FBXL20: variants seen among roughly 807,000 people sequenced by gnomAD.
FBXL20 encodes F-box/LRR-repeat protein 20.
Under a neutral mutation model 64.0 loss-of-function variants are expected in FBXL20, and 11 were observed. The observed-to-expected ratio is 0.17, with a 90% CI of 0.11 to 0.28. FBXL20 has a LOEUF of 0.28. Among genes scored for constraint, FBXL20 ranks in the 10% least tolerant of loss-of-function variants. The pLI, the probability that FBXL20 is intolerant of heterozygous loss-of-function variation, is 1.00. For synonymous variants in FBXL20, 184 were observed against 189.0 expected (o/e 0.97, Z 0.22); for missense variants, 303 against 526.2 (o/e 0.58, Z 4.15).
intron 6 of FBXL20, among the ~76,000 whole-genome samples, chr17:39,286,824 CTCT>C (rs1267848418): frequency 6.6e-6 from 1 of 151,722 alleles, no homozygotes; most frequent in East Asian, 1.9e-4. Context: ...TTTATGCCAT[CTCT>C]TCTTCCCCCC....
At chr17:39,332,508 T>C (rs1011458503) in intron 2 of FBXL20, among the ~76,000 whole-genome samples, 1 of 151,066 alleles carries the variant, frequency 6.6e-6, no homozygotes, top group African/African-American at 2.4e-5. Context: ...CCTGTGCACC[T>C]TTCCCCTTTG....
At chr17:39,268,781 AAGT>A in intron 12 of FBXL20, 43 bp downstream of exon 12, 2 of 1,508,532 alleles carry the variant, frequency 1.3e-6, no homozygotes, top group Non-Finnish European at 1.8e-6. Context: ...TGTATTATCT[AAGT>A]GTCTACTATA....
At chr17:39,313,638 T>C (rs1215398134) in intron 2 of FBXL20, among the ~76,000 whole-genome samples, 1 of 151,650 alleles carries the variant, frequency 6.6e-6, no homozygotes, top group Non-Finnish European at 1.5e-5. Flanking sequence ...AACATTTATT[T>C]ATTTTTACTT....
intron 2 of FBXL20, among the ~76,000 whole-genome samples, chr17:39,330,867 G>A (rs2047453500): frequency 6.6e-6 from 1 of 152,168 alleles, no homozygotes; most frequent in African/African-American, 2.4e-5. Context: ...TTTACAAAAG[G>A]AGTACATGTA....
intron 1 of FBXL20, among the ~76,000 whole-genome samples, chr17:39,379,492 A>AAAAAC (rs1339127230): frequency 6.6e-6 from 1 of 150,804 alleles, no homozygotes; most frequent in African/African-American, 2.5e-5. Flanking sequence ...TACCAAAAAA[A>AAAAAC]AAAAAACTGG....
chr17:39,278,950 T>C (rs942567028), intron 9 of FBXL20, among the ~76,000 whole-genome samples: 5 of 151,472 alleles, frequency 3.3e-5, no homozygotes, highest in African/African-American at 9.7e-5. Flanking sequence ...GGTCAGGAGT[T>C]CTAGAGCAGC....
At chr17:39,338,386 G>C (rs191682568) in intron 2 of FBXL20, among the ~76,000 whole-genome samples, 2,009 of 152,280 alleles carry the variant, frequency 0.013, 23 homozygotes, top group Middle Eastern at 0.02. Flanking sequence ...AGTACCCAGG[G>C]ACACAAACAC....
chr17:39,343,695 C>CTT (rs66827882), intron 1 of FBXL20, among the ~76,000 whole-genome samples: 18 of 134,596 alleles, frequency 1.3e-4, no homozygotes, highest in Admixed American at 5.3e-4. Flanking sequence ...GGCGAAAACT[C>CTT]TTTTTTTTTT....
At chr17:39,290,899 TAATCAA>T (rs1253827854) in intron 6 of FBXL20, among the ~76,000 whole-genome samples, 1 of 152,054 alleles carries the variant, frequency 6.6e-6, no homozygotes, top group Non-Finnish European at 1.5e-5. Context: ...AGACAGAGGT[TAATCAA>T]GCTTATTCAT....
chr17:39,402,142 G>C (rs969038252), upstream of FBXL20: 1 of 1,233,312 alleles, frequency 8.1e-7, no homozygotes, highest in Non-Finnish European at 1.0e-6. Flanking sequence ...CATCCTTCCC[G>C]GCCACCCAGC....
intron 11 of FBXL20, among the ~76,000 whole-genome samples, chr17:39,269,912 A>G (rs966993892): frequency 2.6e-5 from 4 of 152,218 alleles, no homozygotes; most frequent in Admixed American, 1.3e-4. Context: ...CACTGCACCC[A>G]GGCTATGGCC....
At chr17:39,298,889 T>C in intron 5 of FBXL20, 101 bp downstream of exon 5, 1 of 894,438 alleles carries the variant, frequency 1.1e-6, no homozygotes. Context: ...GTGGTTGCAT[T>C]TTTAATAACT....
At chr17:39,355,925 A>T (rs562304170) in intron 1 of FBXL20, among the ~76,000 whole-genome samples, 86 of 150,444 alleles carry the variant, frequency 5.7e-4, no homozygotes, top group African/African-American at 2.0e-3. Flanking sequence ...CCTATGTTTT[A>T]AAAGTTTTGG....
chr17:39,338,051 T>C (rs1427929050), intron 2 of FBXL20, among the ~76,000 whole-genome samples: 3 of 152,128 alleles, frequency 2.0e-5, no homozygotes, highest in Non-Finnish European at 2.9e-5. Context: ...CAACAGCTCA[T>C]TGAGAACGGG....
At chr17:39,342,246 T>A (rs1305940049) in intron 2 of FBXL20, among the ~76,000 whole-genome samples, 6 of 151,876 alleles carry the variant, frequency 4.0e-5, no homozygotes, top group Non-Finnish European at 8.8e-5. Flanking sequence ...GTCAAGTAAT[T>A]TTCCTAAATC....
At chr17:39,296,768 T>C (rs1308433732) in intron 6 of FBXL20, among the ~76,000 whole-genome samples, 1 of 152,104 alleles carries the variant, frequency 6.6e-6, no homozygotes, top group Non-Finnish European at 1.5e-5. Flanking sequence ...ATAAGCTGTT[T>C]AGTCCTCTGT....
At chr17:39,263,108 C>A (rs1332234960) in intron 14 of FBXL20, among the ~76,000 whole-genome samples, 1 of 152,128 alleles carries the variant, frequency 6.6e-6, no homozygotes, top group Non-Finnish European at 1.5e-5. Context: ...GGGCCTGGCA[C>A]AGTGACTCAC....
At chr17:39,334,412 T>C (rs1371708114) in intron 2 of FBXL20, among the ~76,000 whole-genome samples, 1 of 151,840 alleles carries the variant, frequency 6.6e-6, no homozygotes, top group Non-Finnish European at 1.5e-5. Flanking sequence ...CCTCCACTAT[T>C]GTCCTATGAC....
At chr17:39,342,430 T>C (rs1250215915) in intron 2 of FBXL20, among the ~76,000 whole-genome samples, 1 of 144,422 alleles carries the variant, frequency 6.9e-6, no homozygotes, top group African/African-American at 2.6e-5. Context: ...AAAAAAAAAA[T>C]TGGGGCTGGG....
Sources: gnomAD v4.1 joint callset for allele counts (sites outside exome capture counted in the v4.1 genomes callset) on GRCh38, gnomAD v4.1.1 for gene constraint, MANE v1.5 for transcripts, NCBI Gene and HGNC (gene_info 2026-07-23, HGNC 2026-07-21) for gene names.